The following NEGR1 variants were observed in gnomAD, a reference collection of about 807,000 sequenced individuals.
NEGR1 encodes the protein IgLON family member 4.
NEGR1 carries 10 observed loss-of-function variants against 40.9 expected under a neutral mutation model. The observed-to-expected ratio is 0.24, with a 90% CI of 0.15 to 0.42. The LOEUF is 0.42. NEGR1 is among the 10% of genes least tolerant of loss of function. The pLI, the probability that NEGR1 is intolerant of heterozygous loss-of-function variation, is 1.00. For synonymous variants in NEGR1, 185 were observed against 166.8 expected, an observed-to-expected ratio of 1.11 and a Z score of -0.84; for missense variants, 352 against 438.9, an observed-to-expected ratio of 0.80 and a Z score of 1.77.
chr1:71,598,438 T>C (rs1283127029), intron 5 of NEGR1, among the ~76,000 whole-genome samples: 1 of 152,180 alleles, frequency 6.6e-6, no homozygotes, highest in Non-Finnish European at 1.5e-5. Context: ...GCCTCTTGAC[T>C]ATGTATTTGG....
At chr1:72,168,517 T>C (rs909121826) in intron 1 of NEGR1, among the ~76,000 whole-genome samples, 22 of 152,092 alleles carry the variant, frequency 1.4e-4, no homozygotes, top group African/African-American at 5.3e-4. Context: ...GTGGAATTAG[T>C]GGGAATATCT....
intron 1 of NEGR1, among the ~76,000 whole-genome samples, chr1:72,039,605 A>G (rs1332415345): frequency 6.6e-6 from 1 of 152,024 alleles, no homozygotes; most frequent in East Asian, 1.9e-4. Flanking sequence ...CCAACTCAAT[A>G]TTGGGATCAA....
At chr1:71,687,942 A>G (rs967949182) in intron 4 of NEGR1, among the ~76,000 whole-genome samples, 2 of 152,248 alleles carry the variant, frequency 1.3e-5, no homozygotes, top group Non-Finnish European at 1.5e-5. Flanking sequence ...TCAAATACAT[A>G]CATCTATAAG....
chr1:71,744,940 A>G (rs1414930307), intron 3 of NEGR1, among the ~76,000 whole-genome samples: 1 of 152,200 alleles, frequency 6.6e-6, no homozygotes, highest in African/African-American at 2.4e-5. Context: ...AGAAAACTAT[A>G]CTGCACTTAT....
chr1:71,524,058 T>C (rs1647186351), intron 6 of NEGR1, among the ~76,000 whole-genome samples: 2 of 151,966 alleles, frequency 1.3e-5, no homozygotes, highest in South Asian at 2.1e-4. Context: ...AATATATGCA[T>C]GCCTACTTAG....
At chr1:71,871,358 G>A (rs1316140775) in intron 2 of NEGR1, among the ~76,000 whole-genome samples, 1 of 152,090 alleles carries the variant, frequency 6.6e-6, no homozygotes, top group East Asian at 1.9e-4. Context: ...AGCATTTCTA[G>A]TAGACTTTTT....
intron 6 of NEGR1, among the ~76,000 whole-genome samples, chr1:71,419,491 C>T (rs1646379067): frequency 1.3e-5 from 2 of 152,098 alleles, no homozygotes; most frequent in South Asian, 4.1e-4. Context: ...TATTAGCAGG[C>T]ACATACTCTT....
At chr1:71,496,777 A>G (rs1218437578) in intron 6 of NEGR1, among the ~76,000 whole-genome samples, 1 of 152,140 alleles carries the variant, frequency 6.6e-6, no homozygotes, top group Non-Finnish European at 1.5e-5. Flanking sequence ...ATAGATCAGT[A>G]ACAAGGCAAG....
At chr1:71,897,184 C>T (rs187136280) in intron 2 of NEGR1, among the ~76,000 whole-genome samples, 11 of 151,608 alleles carry the variant, frequency 7.3e-5, no homozygotes, top group Non-Finnish European at 1.5e-4. Context: ...TACTATAACT[C>T]GAAGTATTAT....
At chr1:71,942,221 A>T (rs953299708) in intron 1 of NEGR1, among the ~76,000 whole-genome samples, 1 of 150,884 alleles carries the variant, frequency 6.6e-6, no homozygotes, top group African/African-American at 2.4e-5. Context: ...ATTGAAAACT[A>T]TCAGCCACTA....
chr1:72,068,379 C>T (rs139320841), intron 1 of NEGR1, among the ~76,000 whole-genome samples: 1 of 152,268 alleles, frequency 6.6e-6, no homozygotes, highest in East Asian at 1.9e-4. Flanking sequence ...CAGATCACAC[C>T]TCATTACCAT....
intron 4 of NEGR1, among the ~76,000 whole-genome samples, chr1:71,668,817 A>T (rs1652322799): frequency 6.6e-6 from 1 of 152,172 alleles, no homozygotes; most frequent in Non-Finnish European, 1.5e-5. Context: ...TGAGAATATA[A>T]GGATGGAGAG....
At chr1:71,873,892 C>G (rs1363465792) in intron 2 of NEGR1, among the ~76,000 whole-genome samples, 2 of 152,064 alleles carry the variant, frequency 1.3e-5, no homozygotes, top group East Asian at 3.9e-4. Flanking sequence ...TGAACATAAT[C>G]CAAGATACTC....
intron 1 of NEGR1, among the ~76,000 whole-genome samples, chr1:72,235,214 C>T (rs745397503): frequency 2.0e-5 from 3 of 152,026 alleles, no homozygotes; most frequent in East Asian, 3.9e-4. Context: ...TGTGAGTTAA[C>T]GTGCAAGCGT....
At chr1:72,271,965 G>C (rs2100559370) in intron 1 of NEGR1, among the ~76,000 whole-genome samples, 1 of 151,926 alleles carries the variant, frequency 6.6e-6, no homozygotes, top group African/African-American at 2.4e-5. Flanking sequence ...GGCTTCACCA[G>C]CCATGTGGAA....
intron 1 of NEGR1, among the ~76,000 whole-genome samples, chr1:72,240,606 C>T (rs931201076): frequency 6.6e-6 from 1 of 151,774 alleles, no homozygotes; most frequent in Non-Finnish European, 1.5e-5. Flanking sequence ...GTGGAAGTGG[C>T]CCAATCAAAG....
chr1:71,743,990 T>A (rs1655299847), intron 3 of NEGR1, among the ~76,000 whole-genome samples: 1 of 152,158 alleles, frequency 6.6e-6, no homozygotes, highest in Non-Finnish European at 1.5e-5. Flanking sequence ...CCCTCCCTTC[T>A]GGTTAATTTT....
intron 4 of NEGR1, among the ~76,000 whole-genome samples, chr1:71,656,981 T>C (rs1651899615): frequency 6.6e-6 from 1 of 152,330 alleles, no homozygotes; most frequent in South Asian, 2.1e-4. Flanking sequence ...GGATATCTAA[T>C]AATACTGTTT....
intron 6 of NEGR1, among the ~76,000 whole-genome samples, chr1:71,484,158 T>A (rs1205312508): frequency 1.3e-5 from 2 of 151,754 alleles, no homozygotes. Flanking sequence ...TATTACAGCT[T>A]TTCAAATAGG....
Sources: gnomAD v4.1 joint callset for allele counts (sites outside exome capture counted in the v4.1 genomes callset) on GRCh38, gnomAD v4.1.1 for gene constraint, MANE v1.5 for transcripts, NCBI Gene and HGNC (gene_info 2026-07-23, HGNC 2026-07-21) for gene names.